DLGAP1: variants seen among roughly 807,000 people sequenced by gnomAD.
The protein encoded by DLGAP1 is disks large-associated protein 1.
DLGAP1 carries 11 observed loss-of-function variants against 90.8 expected under a neutral mutation model. The observed-to-expected ratio is 0.12, with a 90% CI of 0.08 to 0.20. The LOEUF is 0.20. Ranked by LOEUF, DLGAP1 falls within the 10% of genes least tolerant of loss-of-function variation. The pLI is 1.00. For missense variants in DLGAP1, 1,050 were observed against 1,333.8 expected (o/e 0.79, Z 3.31); for synonymous variants, 558 against 540.7 (o/e 1.03, Z -0.44).
intron 3 of DLGAP1, among the ~76,000 whole-genome samples, chr18:3,961,557 G>A (rs2073199363): frequency 6.6e-6 from 1 of 152,080 alleles, no homozygotes; most frequent in South Asian, 2.1e-4. Flanking sequence ...CCATGAGCAG[G>A]ATACACAAGG....
At chr18:4,023,336 C>G (rs983543816) in intron 2 of DLGAP1, among the ~76,000 whole-genome samples, 1 of 152,086 alleles carries the variant, frequency 6.6e-6, no homozygotes, top group Non-Finnish European at 1.5e-5. Context: ...GCTTTTAACA[C>G]TAGGAAAACT....
chr18:4,031,250 GT>G (rs1255171617), intron 2 of DLGAP1, among the ~76,000 whole-genome samples: 3 of 151,646 alleles, frequency 2.0e-5, no homozygotes, highest in Non-Finnish European at 4.4e-5. Flanking sequence ...GTTGAGCAAA[GT>G]CTGGTTTGAA....
chr18:3,823,214 G>A (rs2067518860), intron 4 of DLGAP1, among the ~76,000 whole-genome samples: 1 of 152,114 alleles, frequency 6.6e-6, no homozygotes, highest in Non-Finnish European at 1.5e-5. Context: ...ACACTTCCTG[G>A]CTTCATTGCT....
intron 2 of DLGAP1, among the ~76,000 whole-genome samples, chr18:4,025,880 GT>G (rs2074691627): frequency 6.6e-6 from 1 of 152,140 alleles, no homozygotes; most frequent in Non-Finnish European, 1.5e-5. Context: ...TTAAAAAACA[GT>G]TACTTTGATT....
intron 3 of DLGAP1, among the ~76,000 whole-genome samples, chr18:3,981,055 C>T (rs942975641): frequency 6.6e-6 from 1 of 152,172 alleles, no homozygotes; most frequent in African/African-American, 2.4e-5. Context: ...TTAAAGAATG[C>T]ATGGTTAGCA....
chr18:4,355,777 T>A (rs764523316), intron 1 of DLGAP1, among the ~76,000 whole-genome samples: 12 of 147,790 alleles, frequency 8.1e-5, no homozygotes, highest in Non-Finnish European at 1.5e-4. Flanking sequence ...TTTTTGTGAA[T>A]CTATAATTTC....
intron 1 of DLGAP1, among the ~76,000 whole-genome samples, chr18:4,377,154 G>GCA (rs1213901628): frequency 6.6e-6 from 1 of 151,956 alleles, no homozygotes; most frequent in East Asian, 1.9e-4. Context: ...ATACACGCTT[G>GCA]CACACACACA....
At chr18:4,428,434 TAG>T (rs966905804) in intron 1 of DLGAP1, among the ~76,000 whole-genome samples, 256 of 152,042 alleles carry the variant, frequency 1.7e-3, no homozygotes, top group African/African-American at 6.0e-3. Flanking sequence ...ATACAAAAAT[TAG>T]CTGGGCATGG....
chr18:4,289,503 T>C (rs2079792460), intron 1 of DLGAP1, among the ~76,000 whole-genome samples: 1 of 152,208 alleles, frequency 6.6e-6, no homozygotes, highest in Admixed American at 6.5e-5. Context: ...CTGTGTCAAC[T>C]CTTCCAACAT....
intron 7 of DLGAP1, among the ~76,000 whole-genome samples, chr18:3,689,337 A>C (rs1598358385): frequency 6.6e-6 from 1 of 152,250 alleles, no homozygotes; most frequent in South Asian, 2.1e-4. Flanking sequence ...CTGCCAAATA[A>C]ACTCTCCTCT....
chr18:3,537,487 C>G (rs1957816397), intron 9 of DLGAP1, among the ~76,000 whole-genome samples: 1 of 152,048 alleles, frequency 6.6e-6, no homozygotes, highest in African/African-American at 2.4e-5. Flanking sequence ...ATGTATTTAC[C>G]ATATTTTGCT....
At chr18:4,419,967 T>C (rs1423966032) in intron 1 of DLGAP1, among the ~76,000 whole-genome samples, 1 of 152,064 alleles carries the variant, frequency 6.6e-6, no homozygotes, top group Non-Finnish European at 1.5e-5. Context: ...ACAGGTCAAA[T>C]AGATACAGAC....
intron 1 of DLGAP1, among the ~76,000 whole-genome samples, chr18:4,371,631 G>T (rs2081918864): frequency 6.6e-6 from 1 of 152,020 alleles, no homozygotes; most frequent in African/African-American, 2.4e-5. Flanking sequence ...TATTCAAATT[G>T]GGCTTTATGT....
chr18:3,575,477 A>G (rs1357735606), intron 8 of DLGAP1, among the ~76,000 whole-genome samples: 2 of 152,224 alleles, frequency 1.3e-5, no homozygotes, highest in Non-Finnish European at 2.9e-5. Flanking sequence ...AAGGTAGTAC[A>G]TGAAACTCAT....
chr18:4,403,665 A>C lies in DLGAP1; in HGVS notation c.-267+51341T>G, dbSNP rs114013348. Among the ~76,000 whole-genome samples the C allele has an allele frequency of 4.5e-3, 681 of 152,286 alleles. 7 individuals are homozygous for C. Among genetic ancestry groups the C allele is most frequent in the African/African-American group, 0.016 (644 of 41,546 alleles). On this transcript the variant is annotated intron_variant, in intron 1 of 12. Transcript: ENST00000315677. ...GTCTTGTTACATTTTAAAATGGAGAAATTTGTTCCTATGTGCATGCAAATT... is the reference window on the plus strand; with the variant it reads ...GTCTTGTTACATTTTAAAATGGAGACATTTGTTCCTATGTGCATGCAAATT...
At chr18:3,780,097 T>C (rs2065123389) in intron 5 of DLGAP1, among the ~76,000 whole-genome samples, 2 of 152,150 alleles carry the variant, frequency 1.3e-5, no homozygotes, top group South Asian at 4.1e-4. Flanking sequence ...CTGTTACTCT[T>C]TCATAGACCA....
intron 1 of DLGAP1, among the ~76,000 whole-genome samples, chr18:4,379,975 C>T (rs1198204143): frequency 1.3e-5 from 2 of 152,092 alleles, no homozygotes; most frequent in African/African-American, 4.8e-5. Context: ...ATGTGGCAAG[C>T]ATTAATCCCA....
At chr18:4,250,960 A>G (rs1395789889) in intron 1 of DLGAP1, among the ~76,000 whole-genome samples, 6 of 152,204 alleles carry the variant, frequency 3.9e-5, no homozygotes, top group African/African-American at 1.4e-4. Flanking sequence ...AAAAATAAAG[A>G]AACAAAACTC....
At position 3,720,888 on chromosome 18, in the gene DLGAP1, C is replaced by CAAAAAAAAAAA. The variant is rs1186426563; in HGVS notation, c.1591+8236_1591+8246dup. On this transcript the variant is annotated intron_variant, in intron 7 of 12. Transcript: ENST00000315677. The stretch of plus-strand genomic sequence containing the variant: ...GCAACATACTAAGACCTTGTCTCTA[C>CAAAAAAAAAAA]AAAAAAAAAAAAAAAAAAAAATTAG... 2.2e-3 allele frequency among the ~76,000 whole-genome samples: 110 copies of CAAAAAAAAAAA among 50,306 alleles called. 10 individuals carry two copies. Among genetic ancestry groups the CAAAAAAAAAAA allele is most frequent in the African/African-American group, 7.6e-3 (95 of 12,494 alleles). 33.0% of individuals were successfully genotyped at this position (50,306 alleles called of 152,430 possible).
Sources: allele counts gnomAD v4.1 joint callset (sites outside exome capture counted in the v4.1 genomes callset), GRCh38; gene constraint gnomAD v4.1.1; transcripts MANE v1.5; gene names NCBI Gene and HGNC (gene_info 2026-07-23, HGNC 2026-07-21).